Variants in CEP192 observed in about 807,000 individuals in gnomAD.
The protein encoded by CEP192 is centrosomal protein of 192 kDa.
A neutral mutation model predicts 271.8 loss-of-function variants in CEP192; 151 were observed. That is an observed-to-expected ratio of 0.56 (90% CI 0.49 to 0.64). CEP192 has a LOEUF of 0.64. Ranked by LOEUF, CEP192 falls within the 30% of genes least tolerant of loss-of-function variation. CEP192 has a pLI of 0.00. For synonymous variants in CEP192, 995 were observed against 1,076.5 expected (o/e 0.92, Z 1.48); for missense variants, 2,910 against 3,020.5 (o/e 0.96, Z 0.86).
chr18:13,091,029 G>T (rs1271586392), intron 33 of CEP192, among the ~76,000 whole-genome samples: 1 of 152,174 alleles, frequency 6.6e-6, no homozygotes, highest in East Asian at 1.9e-4. Flanking sequence ...TGTCCATGAG[G>T]GGCTTACAGA....
intron 44 of CEP192, among the ~76,000 whole-genome samples, chr18:13,119,243 T>C (rs1325119014): frequency 1.3e-5 from 2 of 152,212 alleles, no homozygotes; most frequent in Non-Finnish European, 2.9e-5. Flanking sequence ...ACTGTTATTA[T>C]CTAAACTCAA....
At chr18:13,084,484 A>G (rs2038792859) in intron 30 of CEP192, among the ~76,000 whole-genome samples, 1 of 152,158 alleles carries the variant, frequency 6.6e-6, no homozygotes, top group Non-Finnish European at 1.5e-5. Flanking sequence ...TTGGAAAAGC[A>G]CAGTATTTGG....
intron 32 of CEP192, 89 bp downstream of exon 32, chr18:13,087,735 T>G: frequency 3.6e-6 from 2 of 550,236 alleles, no homozygotes; most frequent in African/African-American, 1.9e-5. Flanking sequence ...TTTTAGAGTA[T>G]TTCACTATTT....
intron 21 of CEP192, among the ~76,000 whole-genome samples, chr18:13,066,074 T>A (rs1293093295): frequency 1.3e-5 from 2 of 152,216 alleles, no homozygotes; most frequent in Non-Finnish European, 2.9e-5. Flanking sequence ...AACATTAATA[T>A]GTAACTTCAA....
chr18:12,997,421 A>G (rs1180439967), intron 1 of CEP192, among the ~76,000 whole-genome samples: 1 of 152,194 alleles, frequency 6.6e-6, no homozygotes, highest in Non-Finnish European at 1.5e-5. Flanking sequence ...AACAAAGACA[A>G]TTATTCAATT....
intron 11 of CEP192, among the ~76,000 whole-genome samples, chr18:13,033,919 G>A (rs1394596072): frequency 2.0e-5 from 3 of 152,190 alleles, no homozygotes; most frequent in Non-Finnish European, 4.4e-5. Flanking sequence ...GGAATGTCTA[G>A]TTACTTGAAC....
chr18:13,083,755 T>C (rs1288424063), intron 30 of CEP192, among the ~76,000 whole-genome samples: 1 of 152,232 alleles, frequency 6.6e-6, no homozygotes, highest in Non-Finnish European at 1.5e-5. Flanking sequence ...TTTGTGGTTT[T>C]ATCTACCTTT....
chr18:13,052,452 G>A (rs959630048), intron 17 of CEP192, among the ~76,000 whole-genome samples: 2 of 152,112 alleles, frequency 1.3e-5, no homozygotes, highest in Non-Finnish European at 2.9e-5. Context: ...ATTCCTAAAT[G>A]TAGAATATCT....
At chr18:13,013,158 C>T (rs1441173954) in intron 5 of CEP192, 133 bp downstream of exon 5, 1 of 535,084 alleles carries the variant, frequency 1.9e-6, no homozygotes, top group East Asian at 3.2e-5. Context: ...ACTTATCCAG[C>T]TTCAGTAAAA....
chr18:13,015,276 C>T, intron 5 of CEP192, 52 bp from the exon 6 acceptor site: 2 of 1,522,140 alleles, frequency 1.3e-6, no homozygotes, highest in Non-Finnish European at 1.8e-6. Flanking sequence ...TTGTACTATG[C>T]TCTTCAGAGC....
chr18:13,068,755 TCTTATTGCCCCTAAGGG>T, intron 24 of CEP192, 80 bp from the exon 25 acceptor site: 1 of 1,273,480 alleles, frequency 7.9e-7, no homozygotes, highest in Non-Finnish European at 1.1e-6. Context: ...GCCTAAATTT[TCTTATTGCCCCTAAGGG>T]CACTGTGTGG....
chr18:13,037,431 C>T (rs1209337767), intron 12 of CEP192, 130 bp downstream of exon 12: 51 of 492,700 alleles, frequency 1.0e-4, no homozygotes, highest in Non-Finnish European at 1.6e-4. Flanking sequence ...TATGGCTAGA[C>T]AACTTCTGCT....
At chr18:13,100,044 A>G (rs1243817221) in intron 37 of CEP192, among the ~76,000 whole-genome samples, 2 of 152,220 alleles carry the variant, frequency 1.3e-5, no homozygotes, top group Non-Finnish European at 2.9e-5. Context: ...GATCAGAACA[A>G]TTCTCTTGGG....
At position 13,083,673 on chromosome 18, in the gene CEP192, C is replaced by T. The variant is rs530979471; in HGVS notation, c.5617-3344C>T. On this transcript the variant is annotated intron_variant, in intron 30 of 44. Coordinates refer to ENST00000506447, the MANE Select transcript of CEP192 (RefSeq NM_032142.4). Reference sequence around the variant, plus strand: ...TTGTTCTGTTGCTGGTGAGGAGCTGCGATCTTTTGGAGGAGAAGAGGTGCT... The same window carrying T: ...TTGTTCTGTTGCTGGTGAGGAGCTGTGATCTTTTGGAGGAGAAGAGGTGCT... 7.7e-4 allele frequency among the ~76,000 whole-genome samples: 117 copies of T among 152,302 alleles called. 2 individuals carry two copies. Among genetic ancestry groups the T allele is most frequent in the African/African-American group, 2.1e-3 (89 of 41,566 alleles).
rs778365656 is a variant in CEP192 at position 13,052,998 on chromosome 18, T to G, written c.3097T>G (p.Ser1033Ala). Residue 1033 changes from serine to alanine, a missense_variant, in exon 18 of 45, where the codon TCG becomes GCG. Coordinates refer to ENST00000506447, the MANE Select transcript of CEP192 (RefSeq NM_032142.4). ...GCAGGAGTTGTCTCCCTTGGTGTGC[T>G]CGCCTGCTGGGGTGAGCAGGCTGAC... Reference protein sequence around the residue: ...CEQELSPLVCSPAGVSRLTYV... With the variant: ...CEQELSPLVCAPAGVSRLTYV... 6.2e-7 allele frequency: 1 copy of G among 1,614,032 alleles called. No homozygotes were observed. Among genetic ancestry groups the G allele is most frequent in the South Asian group, 1.1e-5 (1 of 91,070 alleles).
At chr18:13,112,931 T>C (rs1451361090) in intron 40 of CEP192, among the ~76,000 whole-genome samples, 1 of 152,260 alleles carries the variant, frequency 6.6e-6, no homozygotes, top group Non-Finnish European at 1.5e-5. Context: ...TTGATAAAGC[T>C]AAGGCTCTTA....
At chr18:13,021,712 G>T (rs1011206637) in intron 9 of CEP192, among the ~76,000 whole-genome samples, 3 of 152,134 alleles carry the variant, frequency 2.0e-5, no homozygotes, top group Non-Finnish European at 2.9e-5. Flanking sequence ...TGATACCTTT[G>T]CAGTGTTAAG....
intron 40 of CEP192, among the ~76,000 whole-genome samples, chr18:13,107,899 A>G (rs1266380209): frequency 6.9e-5 from 10 of 145,894 alleles, no homozygotes; most frequent in Non-Finnish European, 1.2e-4. Context: ...AAAAAAAAAA[A>G]TACTATAAGG....
chr18:13,052,965 C>T lies in CEP192; in HGVS notation c.3064C>T (p.Pro1022Ser), dbSNP rs2036880909. Residue 1022 changes from proline (P) to serine (S), a missense_variant, in exon 18 of 45, where the codon CCC (proline) becomes TCC (serine). Transcript: ENST00000506447. The stretch of plus-strand genomic sequence containing the variant: ...TTCAGCAGCTCAGCAGCAGCAGCCT[C>T]CCTGTGAGCAGGAGTTGTCTCCCTT... ...FGSAAQQQQP[P>S]CEQELSPLVC... 1 of 1,613,184 alleles carries T rather than the reference C, an allele frequency of 6.2e-7. No homozygotes were observed. Among genetic ancestry groups the T allele is most frequent in the South Asian group, 1.1e-5 (1 of 90,950 alleles).
Sources: gnomAD v4.1 joint callset for allele counts (sites outside exome capture counted in the v4.1 genomes callset) on GRCh38, gnomAD v4.1.1 for gene constraint, MANE v1.5 for transcripts, NCBI Gene and HGNC (gene_info 2026-07-23, HGNC 2026-07-21) for gene names.